The following CDH26 variants were observed in gnomAD, a reference collection of about 807,000 sequenced individuals.
The protein encoded by CDH26 is cadherin-like protein 26.
In CDH26, 83 loss-of-function variants were observed where a neutral mutation model predicts 90.3. That is an observed-to-expected ratio of 0.92 (90% confidence interval 0.77 to 1.10). CDH26 has a LOEUF of 1.10. Among genes scored for constraint, CDH26 ranks in the 50% least tolerant of loss-of-function variants. The pLI, the probability that CDH26 is intolerant of heterozygous loss-of-function variation, is 0.00. For missense variants in CDH26, 1,013 were observed against 1,037.6 expected, an observed-to-expected ratio of 0.98 and a Z score of 0.33; for synonymous variants, 397 against 396.3, an observed-to-expected ratio of 1.00 and a Z score of -0.02.
At chr20:59,993,762 A>T (rs6071065) in intron 10 of CDH26, among the ~76,000 whole-genome samples, 2,037 of 152,342 alleles carry the variant, frequency 0.013, 21 homozygotes, top group South Asian at 0.021. Flanking sequence ...TTGTAGATTC[A>T]CTTGCAGTTT....
rs1601183876 is a variant in CDH26, at chr20:60,002,867, G to A, written c.2220+1G>A. ...TGTGAAAAACATACACTCTACTCCTGTAAGTATAGATGTAGGTGTTACCGT... is the reference window on the plus strand; with the variant it reads ...TGTGAAAAACATACACTCTACTCCTATAAGTATAGATGTAGGTGTTACCGT... On this transcript the variant is annotated splice_donor_variant, in intron 16 of 17. Coordinates refer to ENST00000348616, the MANE Select transcript of CDH26 (RefSeq NM_177980.4). LOFTEE classifies it high-confidence loss of function. The A allele has an allele frequency of 6.3e-7, 1 of 1,583,704 alleles. No individual in the cohort carries two copies. The highest frequency in any genetic ancestry group is 1.2e-5 in the South Asian group (1 of 85,372).
At chr20:59,960,492 A>C (rs1464682364) in intron 1 of CDH26, among the ~76,000 whole-genome samples, 1 of 152,198 alleles carries the variant, frequency 6.6e-6, no homozygotes, top group Non-Finnish European at 1.5e-5. Flanking sequence ...AGGCTTGATA[A>C]CTAAAACTAT....
chr20:60,022,575 T>G (rs893403779), intron 7 of CDH26, among the ~76,000 whole-genome samples: 2 of 152,180 alleles, frequency 1.3e-5, no homozygotes, highest in African/African-American at 4.8e-5. Flanking sequence ...TTCTGTGAAG[T>G]AGGCATAGCA....
intron 3 of CDH26, among the ~76,000 whole-genome samples, chr20:59,971,357 C>A (rs1050451610): frequency 6.6e-6 from 1 of 152,088 alleles, no homozygotes; most frequent in Non-Finnish European, 1.5e-5. Flanking sequence ...CTGTACAATG[C>A]GGTCAATGAT....
rs532941189 is a variant in CDH26 at position 59,969,705 on chromosome 20, C to A, written c.127-377C>A. On this transcript the variant is annotated intron_variant, in intron 2 of 17. Coordinates refer to ENST00000348616, the MANE Select transcript of CDH26 (RefSeq NM_177980.4). ...CATTAAAGGTCTGTCAGCACCTAAT[C>A]ATCAATAATTTCAGGAAGACTGAGA... Among the ~76,000 whole-genome samples, 4 of 152,318 alleles carry A rather than the reference C, an allele frequency of 2.6e-5. No homozygotes were observed. The East Asian group carries it at 7.7e-4, about 29-fold the overall frequency.
At chr20:59,967,422 G>A (rs1370453580) in intron 1 of CDH26, among the ~76,000 whole-genome samples, 16 of 152,144 alleles carry the variant, frequency 1.1e-4, no homozygotes, top group Admixed American at 1.0e-3. Flanking sequence ...CATTTTTAAA[G>A]ACAGACTTTC....
chr20:59,971,647 G>A (rs550234081), intron 3 of CDH26, among the ~76,000 whole-genome samples: 6 of 152,268 alleles, frequency 3.9e-5, no homozygotes, highest in African/African-American at 7.2e-5. Flanking sequence ...TAGTCATTCC[G>A]TGGCAGTGTA....
Position 59,985,030 on chromosome 20 carries a change from A to C in CDH26, c.738A>C (p.Arg246Ser). The C allele has an allele frequency of 6.2e-7, 1 of 1,614,124 alleles. No individual in the cohort carries two copies. Among genetic ancestry groups the C allele is most frequent in the Non-Finnish European group, 8.5e-7 (1 of 1,180,010 alleles). ...CTCCTCAGTTTACACTGCTAATCAG[A>C]GCCAGGGACTGTGGAGAACCGTCAC... ...ETAPQFTLLI[R>S]ARDCGEPSLS... The change falls in exon 7 of 18, where the codon AGA (arginine) becomes AGC (serine). Residue 246 changes from arginine (R) to serine (S), a missense_variant. Transcript: ENST00000348616.
intron 1 of CDH26, among the ~76,000 whole-genome samples, chr20:59,963,688 A>G (rs1045427915): frequency 3.9e-5 from 6 of 152,074 alleles, no homozygotes; most frequent in African/African-American, 1.4e-4. Flanking sequence ...GGACATTCTC[A>G]TCTTCACAGA....
At chr20:60,024,257 C>A (rs2061979969) in intron 7 of CDH26, among the ~76,000 whole-genome samples, 1 of 152,166 alleles carries the variant, frequency 6.6e-6, no homozygotes, top group Non-Finnish European at 1.5e-5. Flanking sequence ...GAAGGGCATA[C>A]CCTTTGCCCC....
intron 16 of CDH26, among the ~76,000 whole-genome samples, chr20:60,006,273 G>A (rs2061748613): frequency 6.6e-6 from 1 of 152,186 alleles, no homozygotes; most frequent in Non-Finnish European, 1.5e-5. Context: ...CCCTTAGATA[G>A]CACAGAGACC....
In CDH26 at chr20:59,971,988, G is replaced by T; in HGVS notation, c.258G>T (p.Met86Ile). The T allele has an allele frequency of 6.2e-7, 1 of 1,613,352 alleles. No homozygotes were observed. The highest frequency in any genetic ancestry group is 2.2e-5 in the East Asian group (1 of 44,852). ...GELFNNMSYN[M>I]SLMYLISGPG... The stretch of plus-strand genomic sequence containing the variant: ...TGTTCAATAATATGTCTTATAACAT[G>T]TCACTAATGTATCTAATCAGTGGAC... Residue 86 changes from methionine (M) to isoleucine (I), a missense_variant, in exon 4 of 18, where the codon ATG (methionine) becomes ATT (isoleucine). Transcript: ENST00000348616.
chr20:59,970,234 AG>A (rs1349586440), intron 3 of CDH26, 48 bp downstream of exon 3: 2 of 1,599,602 alleles, frequency 1.3e-6, no homozygotes, highest in South Asian at 2.2e-5. Context: ...CCTCTAAGTA[AG>A]CACGCCCCTT....
Position 59,968,977 on chromosome 20 carries a change from T to C in CDH26, c.80T>C (p.Ile27Thr). 6.4e-7 allele frequency: 1 copy of C among 1,571,868 alleles called. No individual in the cohort carries two copies. The highest frequency in any genetic ancestry group is 8.7e-7 in the Non-Finnish European group (1 of 1,143,202). The change falls in exon 2 of 18, where the codon ATT becomes ACT. Residue 27 changes from isoleucine to threonine, a missense_variant. Physicochemically the swap from Ile to Thr is moderately conservative, Grantham distance 89. Coordinates refer to ENST00000348616, the MANE Select transcript of CDH26 (RefSeq NM_177980.4). ...ATTTTTATTTTTAAGGTCAGTATCA[T>C]TGACAGTGTTCAACAGGAAACAGAT... ...LLLWLLQVSI[I>T]DSVQQETDDL... is the part of the protein sequence containing the mutation.
At chr20:60,023,581 A>G (rs1448422524) in intron 7 of CDH26, among the ~76,000 whole-genome samples, 2 of 151,960 alleles carry the variant, frequency 1.3e-5, no homozygotes, top group Non-Finnish European at 2.9e-5. Context: ...AAAAAAAAGC[A>G]TTAGCTGCTT....
chr20:59,996,590 T>C, intron 12 of CDH26, 41 bp from the exon 13 acceptor site: 3 of 1,614,234 alleles, frequency 1.9e-6, no homozygotes, highest in Non-Finnish European at 2.5e-6. Context: ...CTGATATGGG[T>C]GAGCTTGTCT....
chr20:60,031,505 T>G, intron 8 of CDH26: 2 of 1,041,372 alleles, frequency 1.9e-6, no homozygotes, highest in African/African-American at 3.4e-5. Flanking sequence ...GCGTTCAAGT[T>G]AATCCTTGAG....
downstream of CDH26, among the ~76,000 whole-genome samples, chr20:60,035,173 T>C (rs962273052): frequency 3.3e-5 from 5 of 152,266 alleles, no homozygotes; most frequent in African/African-American, 1.2e-4. Context: ...GACTGTGTTA[T>C]AACTTAAGCA....
chr20:59,960,351 A>C (rs1406830488), intron 1 of CDH26, among the ~76,000 whole-genome samples: 1 of 152,200 alleles, frequency 6.6e-6, no homozygotes, highest in Admixed American at 6.5e-5. Flanking sequence ...AGCCCTTGGT[A>C]CTGCGAAAGT....
Sources: allele counts gnomAD v4.1 joint callset (sites outside exome capture counted in the v4.1 genomes callset), GRCh38; gene constraint gnomAD v4.1.1; transcripts MANE v1.5; gene names NCBI Gene and HGNC (gene_info 2026-07-23, HGNC 2026-07-21).